Variants in SYNE1 observed in about 807,000 individuals in gnomAD.
The protein encoded by SYNE1 is nesprin-1.
SYNE1 carries 616 observed loss-of-function variants against 1,111.0 expected under a neutral mutation model. The observed-to-expected ratio is 0.55, with a 90% CI of 0.52 to 0.59. The LOEUF is 0.59. Among genes scored for constraint, SYNE1 ranks in the 20% least tolerant of loss-of-function variants. SYNE1 has a pLI of 0.00. For synonymous variants in SYNE1, 3,855 were observed against 3,825.8 expected (o/e 1.01, Z -0.28); for missense variants, 10,006 against 10,417.0 (o/e 0.96, Z 1.72).
chr6:152,220,772 C>T (rs1648180630), intron 119 of SYNE1, 70 bp downstream of exon 119: 15 of 1,430,682 alleles, frequency 1.0e-5, no homozygotes, highest in Middle Eastern at 4.8e-4. Context: ...AAAGCTTACA[C>T]AGACCAAAAG....
At position 152,404,321 on chromosome 6, in the gene SYNE1, A is replaced by G; in HGVS notation, c.6724-7T>C. 6.3e-7 allele frequency: 1 copy of G among 1,597,890 alleles called. No individual in the cohort carries two copies. Among genetic ancestry groups the G allele is most frequent in the South Asian group, 1.1e-5 (1 of 90,624 alleles). ...CTTTGTTTTTAACTTCAGACTGCCA[A>G]AAGGGAAGAAACATAACTAATCAAA... On this transcript the variant is annotated splice_polypyrimidine_tract_variant and splice_region_variant and intron_variant, in intron 45 of 145. Coordinates refer to ENST00000367255, the MANE Select transcript of SYNE1 (RefSeq NM_182961.4).
At chr6:152,199,641 G>T (rs555377986) in intron 127 of SYNE1, among the ~76,000 whole-genome samples, 1 of 152,244 alleles carries the variant, frequency 6.6e-6, no homozygotes, top group South Asian at 2.1e-4. Flanking sequence ...AGCTAGTTTT[G>T]TGTATAAATA....
At position 152,340,607 on chromosome 6, in the gene SYNE1, C is replaced by A. The variant is rs564105854; in HGVS notation, c.12226-1241G>T. ...CCATCTCCTCCACCCCAGTTGTGAA[C>A]CACTGCGCTAGTCCCATTGGATTAT... On this transcript the variant is annotated intron_variant, in intron 74 of 145. Coordinates refer to ENST00000367255, the MANE Select transcript of SYNE1 (RefSeq NM_182961.4). Among the ~76,000 whole-genome samples, 3 of 152,294 alleles carry A rather than the reference C, an allele frequency of 2.0e-5. No homozygotes were observed. The East Asian group carries it at 5.8e-4, about 29-fold the overall frequency.
Position 152,307,642 on chromosome 6 carries a change from C to T in SYNE1, c.17346+847G>A, listed in dbSNP as rs763861989. Among the ~76,000 whole-genome samples, 15 of 152,184 alleles carry T rather than the reference C, an allele frequency of 9.9e-5. No individual in the cohort carries two copies. In the South Asian group the frequency reaches 1.9e-3, roughly 19 times the overall value. On this transcript the variant is annotated intron_variant, in intron 91 of 145. Transcript: ENST00000367255. ...TATGATGTCTGGGACAGGGACTGCA[C>T]AAGGAGTGGTCAAGTCCTAAGGTCA...
At chr6:152,247,678 T>C (rs1716436551) in intron 105 of SYNE1, among the ~76,000 whole-genome samples, 1 of 148,946 alleles carries the variant, frequency 6.7e-6, no homozygotes, top group South Asian at 2.1e-4. Flanking sequence ...CAGACCAGCC[T>C]GGGCAACAAA....
chr6:152,596,255 G>GT (rs1270163996), intron 3 of SYNE1, among the ~76,000 whole-genome samples: 4 of 141,574 alleles, frequency 2.8e-5, no homozygotes, highest in African/African-American at 1.1e-4. Flanking sequence ...TATGATTACA[G>GT]TTTTTTGTTT....
chr6:152,619,800 C>T (rs1230199457), intron 3 of SYNE1, among the ~76,000 whole-genome samples: 3 of 152,012 alleles, frequency 2.0e-5, no homozygotes, highest in Non-Finnish European at 2.9e-5. Flanking sequence ...GCTCATAGCA[C>T]GGTCCCCAAC....
rs549836386 is a variant in SYNE1 at position 152,186,669 on chromosome 6, G to A, written c.23301+2583C>T. Among the ~76,000 whole-genome samples, 9 of 150,766 alleles carry A rather than the reference G, an allele frequency of 6.0e-5. No individual in the cohort carries two copies. The South Asian group carries it at 1.3e-3, about 21-fold the overall frequency. ...TGGCATAATCCAGGTCTTTGGGGAG[G>A]GAAGTTCATGGCATGTTTGAAGCAA... On this transcript the variant is annotated intron_variant, in intron 128 of 145. Transcript: ENST00000367255.
chr6:152,523,846 C>G (rs2099151842), intron 5 of SYNE1, among the ~76,000 whole-genome samples: 2 of 151,992 alleles, frequency 1.3e-5, no homozygotes, highest in East Asian at 1.9e-4. Flanking sequence ...ATATTATTCT[C>G]GGCTTGGTGG....
intron 14 of SYNE1, 120 bp from the exon 15 acceptor site, chr6:152,472,533 C>T: frequency 1.1e-6 from 1 of 901,992 alleles, no homozygotes; most frequent in Non-Finnish European, 1.8e-6. Context: ...CCCGCTGCCA[C>T]ATTCAGAGGC....
chr6:152,578,015 A>G (rs1482598859), intron 3 of SYNE1, among the ~76,000 whole-genome samples: 1 of 152,120 alleles, frequency 6.6e-6, no homozygotes, highest in Non-Finnish European at 1.5e-5. Context: ...GTGTGGGAGT[A>G]TATGTGTAAA....
At chr6:152,445,148 T>C (rs2098569593) in intron 29 of SYNE1, among the ~76,000 whole-genome samples, 1 of 151,968 alleles carries the variant, frequency 6.6e-6, no homozygotes, top group Non-Finnish European at 1.5e-5. Flanking sequence ...TATATATATA[T>C]ATATTGCCTT....
intron 104 of SYNE1, among the ~76,000 whole-genome samples, chr6:152,252,304 TAATAA>T (rs1244284649): frequency 6.6e-6 from 1 of 151,630 alleles, no homozygotes; most frequent in Non-Finnish European, 1.5e-5. Flanking sequence ...AATAAATAAA[TAATAA>T]AATAAATAAA....
At chr6:152,570,277 C>T (rs1389610565) in intron 3 of SYNE1, among the ~76,000 whole-genome samples, 1 of 152,100 alleles carries the variant, frequency 6.6e-6, no homozygotes, top group African/African-American at 2.4e-5. Flanking sequence ...ATTTGATTGT[C>T]CCGAACACAT....
intron 101 of SYNE1, among the ~76,000 whole-genome samples, chr6:152,260,797 C>G (rs2091880175): frequency 6.6e-6 from 1 of 152,004 alleles, no homozygotes; most frequent in African/African-American, 2.4e-5. Flanking sequence ...AGATCACTCA[C>G]AAGCATAGTT....
rs1055070356 is a variant in SYNE1 at position 152,396,847 on chromosome 6, T to C, written c.7484A>G (p.Glu2495Gly). 4 of 1,614,086 alleles carry C rather than the reference T, an allele frequency of 2.5e-6. 1 individual carries two copies. The highest frequency in any genetic ancestry group is 2.2e-5 in the South Asian group (2 of 91,090). ...GCATTGTTTCAGAAATGCTTGAAAC[T>C]CTTCATTGGCCTTTGTGATTTGTTC... ...IQEQITKANE[E>G]FQAFLKQCLK... Residue 2495 changes from glutamate (E) to glycine (G), a missense_variant, in exon 50 of 146, where the codon GAG becomes GGG. By Grantham distance (98) the Glu-to-Gly change is moderately conservative. This residue lies in a region of SYNE1 where 4,955 missense variants were observed against 5,017.2 expected (regional missense o/e 0.99). Transcript: ENST00000367255.
At chr6:152,253,052 T>C (rs1327374167) in intron 104 of SYNE1, among the ~76,000 whole-genome samples, 1 of 152,134 alleles carries the variant, frequency 6.6e-6, no homozygotes, top group Non-Finnish European at 1.5e-5. Context: ...TTGGGGGCAG[T>C]AACTATCAGG....
chr6:152,308,497 G>C lies in SYNE1; in HGVS notation c.17338C>G (p.Arg5780Gly). 6.2e-7 allele frequency: 1 copy of C among 1,613,966 alleles called. No homozygotes were observed. The highest frequency in any genetic ancestry group is 8.5e-7 in the Non-Finnish European group (1 of 1,180,018). ...GCCTACATTCCTCTCACCTCATGCC[G>C]AGAAATCTGAGCCTGCAGCTCCTGT... ...NIQELQAQIS[R>G]HEELAQKIKG... Residue 5780 changes from arginine (R) to glycine (G), a missense_variant, in exon 91 of 146, where the codon CGG (arginine) becomes GGG (glycine). Physicochemically the swap from Arg to Gly is moderately radical, Grantham distance 125. Transcript: ENST00000367255.
chr6:152,291,884 A>G (rs1011071163), intron 95 of SYNE1, among the ~76,000 whole-genome samples: 1 of 152,160 alleles, frequency 6.6e-6, no homozygotes, highest in Non-Finnish European at 1.5e-5. Context: ...CATAATTTAC[A>G]CTATATTCCT....
Sources: gnomAD v4.1 joint callset for allele counts (sites outside exome capture counted in the v4.1 genomes callset) on GRCh38, gnomAD v4.1.1 for gene constraint, gnomAD v4.1.1 regional missense constraint, MANE v1.5 for transcripts, NCBI Gene and HGNC (gene_info 2026-07-23, HGNC 2026-07-21) for gene names.